Variants in HNF4A observed in about 807,000 individuals in gnomAD.
HNF4A encodes the protein hepatocyte nuclear factor 4-alpha.
HNF4A carries 15 observed loss-of-function variants against 52.4 expected under a neutral mutation model. The ratio of observed to expected loss-of-function variants is 0.29; its 90% CI spans 0.19 to 0.44. HNF4A has a LOEUF of 0.44. Among genes scored for constraint, HNF4A ranks in the 20% least tolerant of loss-of-function variants. HNF4A has a pLI of 1.00. For missense variants in HNF4A, 479 were observed against 647.2 expected, an observed-to-expected ratio of 0.74 and a Z score of 2.82; for synonymous variants, 280 against 264.4, an observed-to-expected ratio of 1.06 and a Z score of -0.57.
chr20:44,407,426 C>T lies in HNF4A; in HGVS notation c.336C>T (p.Cys112=). 6.2e-7 allele frequency: 1 copy of T among 1,610,940 alleles called. No homozygotes were observed. Among genetic ancestry groups the T allele is most frequent in the African/African-American group, 1.3e-5 (1 of 74,952 alleles). ...TGGACAAAGACAAGAGGAACCAGTG[C>T]CGCTACTGCAGGCTCAAGAAATGCT... The change falls in exon 3 of 10, where the codon TGC becomes TGT. Residue 112 remains cysteine, a synonymous_variant. Transcript: ENST00000316099.
chr20:44,379,730 C>CTTTT (rs33924202), intron 1 of HNF4A, among the ~76,000 whole-genome samples: 1 of 109,564 alleles, frequency 9.1e-6, no homozygotes, highest in Middle Eastern at 5.4e-3. Flanking sequence ...TTTTCTTTTC[C>CTTTT]TTTTTTTTTT....
At chr20:44,366,381 G>A (rs2062970356) in intron 1 of HNF4A, among the ~76,000 whole-genome samples, 1 of 152,154 alleles carries the variant, frequency 6.6e-6, no homozygotes, top group African/African-American at 2.4e-5. Context: ...AGTACTTTGG[G>A]AGCCCAAGGT....
intron 1 of HNF4A, among the ~76,000 whole-genome samples, chr20:44,372,428 C>T (rs1329596992): frequency 6.6e-6 from 1 of 152,174 alleles, no homozygotes; most frequent in African/African-American, 2.4e-5. Context: ...GTTAGCTGGC[C>T]ACCTGTCTGT....
chr20:44,433,517 C>T (rs6073437), downstream of HNF4A: 58,502 of 151,942 alleles, frequency 0.39, 12,354 homozygotes, highest in East Asian at 0.92. Context: ...CCCATCTCTA[C>T]AAAAAATTTA....
At chr20:44,406,600 A>G (rs1262205536) in intron 2 of HNF4A, among the ~76,000 whole-genome samples, 1 of 152,196 alleles carries the variant, frequency 6.6e-6, no homozygotes, top group East Asian at 1.9e-4. Flanking sequence ...TTTGGGACAA[A>G]TAGGAGATTG....
chr20:44,364,790 A>T (rs1055103795), intron 1 of HNF4A, among the ~76,000 whole-genome samples: 1 of 152,044 alleles, frequency 6.6e-6, no homozygotes, highest in African/African-American at 2.4e-5. Context: ...TATTGGGATT[A>T]TATTAGTTCA....
At chr20:44,418,544 CA>C in intron 6 of HNF4A, 32 bp downstream of exon 6, 1 of 1,523,376 alleles carries the variant, frequency 6.6e-7, no homozygotes, top group East Asian at 2.2e-5. Flanking sequence ...GCCAGGGCTC[CA>C]GGGAGGGTAT....
intron 1 of HNF4A, among the ~76,000 whole-genome samples, chr20:44,362,691 G>A (rs1453630636): frequency 2.6e-5 from 4 of 152,072 alleles, no homozygotes; most frequent in Non-Finnish European, 5.9e-5. Flanking sequence ...GTTAAGTCAC[G>A]TTTCCCTGCA....
downstream of HNF4A, chr20:44,433,012 A>G (rs1459988908): frequency 6.6e-6 from 1 of 152,200 alleles, no homozygotes; most frequent in African/African-American, 2.4e-5. Context: ...CAGTCTTCAC[A>G]TCAAGAGGTA....
intron 2 of HNF4A, 84 bp from the exon 3 acceptor site, chr20:44,407,297 T>C: frequency 4.0e-6 from 4 of 990,816 alleles, no homozygotes; most frequent in Non-Finnish European, 1.6e-6. Context: ...GGTTGGGGGG[T>C]CAACTGGATA....
Position 44,432,266 on chromosome 20 carries a change from A to G in HNF4A, c.*2601A>G, listed in dbSNP as rs1251449444. ...AAACCCATTCCACCTTAATAACTTT[A>G]TTGTAATGTGAGAAACACAAAACAA... On this transcript the variant is annotated 3_prime_UTR_variant, in exon 10 of 10. Coordinates refer to ENST00000316099, the MANE Select transcript of HNF4A (RefSeq NM_000457.6). The G allele has an allele frequency of 6.8e-6, 1 of 147,338 alleles. No homozygotes were observed. Among genetic ancestry groups the G allele is most frequent in the Non-Finnish European group, 1.5e-5 (1 of 66,958 alleles). 9.1% of individuals were successfully genotyped at this position (147,338 alleles called of 1,614,324 possible).
At chr20:44,368,141 C>CATATATATATATATAT (rs756822197) in intron 1 of HNF4A, among the ~76,000 whole-genome samples, 16 of 12,912 alleles carry the variant, frequency 1.2e-3, no homozygotes, top group African/African-American at 4.3e-3. Flanking sequence ...TGTGTATATA[C>CATATATATATATATAT]ATATATATAT....
chr20:44,388,334 A>C (rs2063257383), intron 1 of HNF4A, among the ~76,000 whole-genome samples: 1 of 142,518 alleles, frequency 7.0e-6, no homozygotes. Context: ...ATCTGCTTCC[A>C]CATGGAAGCA....
intron 8 of HNF4A, chr20:44,424,518 G>A (rs932799598): frequency 2.0e-5 from 21 of 1,044,040 alleles, no homozygotes; most frequent in South Asian, 4.2e-5. Flanking sequence ...CTTTGCCCTC[G>A]GGGAGGCTGT....
intron 9 of HNF4A, among the ~76,000 whole-genome samples, chr20:44,428,942 A>T (rs148236242): frequency 1.0e-3 from 153 of 152,320 alleles, no homozygotes; most frequent in African/African-American, 3.5e-3. Context: ...AAAGGATAAG[A>T]TTATCAATGG....
intron 1 of HNF4A, among the ~76,000 whole-genome samples, chr20:44,401,778 G>C (rs1270936454): frequency 6.6e-6 from 1 of 152,210 alleles, no homozygotes; most frequent in African/African-American, 2.4e-5. Context: ...GCTCTGCTTG[G>C]CGCTTGGCAC....
chr20:44,416,133 C>T (rs2063661135), intron 5 of HNF4A, among the ~76,000 whole-genome samples: 1 of 152,148 alleles, frequency 6.6e-6, no homozygotes, highest in African/African-American at 2.4e-5. Context: ...ACCCCGACCT[C>T]CCGGCCCACC....
At chr20:44,416,142 C>A (rs2063661345) in intron 5 of HNF4A, among the ~76,000 whole-genome samples, 1 of 152,262 alleles carries the variant, frequency 6.6e-6, no homozygotes, top group East Asian at 1.9e-4. Context: ...TCCCGGCCCA[C>A]CCCCCAGAAC....
At chr20:44,378,844 G>C (rs1019917577) in intron 1 of HNF4A, among the ~76,000 whole-genome samples, 10 of 151,066 alleles carry the variant, frequency 6.6e-5, no homozygotes, top group Non-Finnish European at 1.5e-4. Context: ...GCTTGAACCC[G>C]GGAAGTGGAG....
Sources: gnomAD v4.1 joint callset for allele counts (sites outside exome capture counted in the v4.1 genomes callset) on GRCh38, gnomAD v4.1.1 for gene constraint, MANE v1.5 for transcripts, NCBI Gene and HGNC (gene_info 2026-07-23, HGNC 2026-07-21) for gene names.